The following DNAH11 variants were observed in gnomAD, a reference collection of about 807,000 sequenced individuals.
DNAH11 encodes axonemal beta dynein heavy chain 11.
DNAH11 carries 442 observed loss-of-function variants against 526.0 expected under a neutral mutation model. That is an observed-to-expected ratio of 0.84 (90% CI 0.78 to 0.91). The LOEUF is 0.91. DNAH11 is among the 40% of genes least tolerant of loss of function. The pLI is 0.00. For synonymous variants in DNAH11, 2,461 were observed against 1,935.9 expected, an observed-to-expected ratio of 1.27 and a Z score of -7.12; for missense variants, 6,989 against 5,448.7, an observed-to-expected ratio of 1.28 and a Z score of -8.90.
In DNAH11 at chr7:21,564,218, C is replaced by T. The variant is rs1455843897; in HGVS notation, c.1015C>T (p.Leu339=). 1.2e-6 allele frequency: 2 copies of T among 1,606,768 alleles called. No individual in the cohort carries two copies. The highest frequency in any genetic ancestry group is 1.7e-6 in the Non-Finnish European group (2 of 1,176,580). ...CGAAGCCCAAGATGTGGAACTTTAC[C>T]TGAGACCTCTGAGGAGACACATCCA... ...LLEAQDVELY[L]RPLRRHIQCL... Residue 339 remains leucine (L), a synonymous_variant, in exon 6 of 82, where the codon CTG becomes TTG. Coordinates refer to ENST00000409508, the MANE Select transcript of DNAH11 (RefSeq NM_001277115.2).
intron 3 of DNAH11, among the ~76,000 whole-genome samples, chr7:21,559,295 A>G (rs1783349081): frequency 6.6e-6 from 1 of 152,232 alleles, no homozygotes; most frequent in African/African-American, 2.4e-5. Flanking sequence ...ATTTCCTTTT[A>G]AAGTATGCTT....
intron 32 of DNAH11, among the ~76,000 whole-genome samples, 181 bp from the exon 33 acceptor site, chr7:21,686,918 A>T (rs953546363): frequency 1.3e-4 from 20 of 152,246 alleles, no homozygotes; most frequent in Non-Finnish European, 2.2e-4. Flanking sequence ...CTAGCCTAAA[A>T]ATAAATGTGA....
In DNAH11 at chr7:21,900,019, T is replaced by C. The variant is rs775352792; in HGVS notation, c.13202T>C (p.Leu4401Pro). ...ATGGCTCGAAAAAATGAGTGGCCCC[T>C]GGATAAAACGCGCTTGACTGCTGAT... is the stretch of plus-strand genomic sequence containing the variant. Reference protein sequence around the residue: ...QTMARKNEWPLDKTRLTADVT... With the variant: ...QTMARKNEWPPDKTRLTADVT... The change falls in exon 81 of 82, where the codon CTG becomes CCG. Residue 4401 changes from leucine to proline, a missense_variant. Leu to Pro is a moderately conservative substitution (Grantham distance 98). Transcript: ENST00000409508. 9.3e-6 allele frequency: 15 copies of C among 1,613,772 alleles called. No individual in the cohort carries two copies. Among genetic ancestry groups the C allele is most frequent in the Non-Finnish European group, 1.2e-5 (14 of 1,179,858 alleles).
Position 21,807,975 on chromosome 7 carries a change from T to TA in DNAH11, c.10259dup (p.Tyr3420Ter), listed in dbSNP as rs764414399. 10 of 1,605,516 alleles carry TA rather than the reference T, an allele frequency of 6.2e-6. No homozygotes were observed. The highest frequency in any genetic ancestry group is 8.5e-6 in the Non-Finnish European group (10 of 1,174,756). The part of the protein sequence containing the change: ...DVLLTAAFVS[Y>*]VGPFTRQYRQ... ...TCTTCTCACGGCGGCATTTGTGTCT[T>TA]ACGTCGGACCCTTCACAAGGCAGTA... Residue 3420 changes from tyrosine (Y) to a stop codon, truncating the protein, a stop_gained and frameshift_variant, in exon 63 of 82, where the codon TAC becomes TAAC. Transcript: ENST00000409508. LOFTEE classifies it high-confidence loss of function.
At position 21,801,167 on chromosome 7, in the gene DNAH11, G is replaced by A. The variant is rs751658564; in HGVS notation, c.10057G>A (p.Ala3353Thr). ...DLDRNLSRLTASFEKATAEKV... is the reference protein window; with the variant it reads ...DLDRNLSRLTTSFEKATAEKV... ...GGATCGAAATCTGAGCAGACTCACG[G>A]CTTCATTTGAAAAAGCAACAGCTGA... Residue 3353 changes from alanine (A) to threonine (T), a missense_variant, in exon 62 of 82, where the codon GCT becomes ACT. By Grantham distance (58) the Ala-to-Thr change is moderately conservative. Coordinates refer to ENST00000409508, the MANE Select transcript of DNAH11 (RefSeq NM_001277115.2). 4 of 1,611,694 alleles carry A rather than the reference G, an allele frequency of 2.5e-6. No homozygotes were observed. Among genetic ancestry groups the A allele is most frequent in the Non-Finnish European group, 1.7e-6 (2 of 1,178,838 alleles).
At position 21,883,434 on chromosome 7, in the gene DNAH11, T is replaced by C. The variant is rs142091221; in HGVS notation, c.12388-857T>C. On this transcript the variant is annotated intron_variant, in intron 75 of 81. Coordinates refer to ENST00000409508, the MANE Select transcript of DNAH11 (RefSeq NM_001277115.2). ...AATAAAACATGGTATAGTCATTAGT[T>C]ACAACCCTTAGAACAGTCATTAGGC... is the stretch of plus-strand genomic sequence containing the variant. 5.9e-3 allele frequency among the ~76,000 whole-genome samples: 905 copies of C among 152,308 alleles called. 11 individuals are homozygous for C. The highest frequency in any genetic ancestry group is 0.021 in the African/African-American group (862 of 41,574).
rs201197846 is a variant in DNAH11, at chr7:21,601,616, G to C, written c.3646G>C (p.Glu1216Gln). 1.3e-6 allele frequency: 2 copies of C among 1,570,738 alleles called. No homozygotes were observed. The highest frequency in any genetic ancestry group is 8.7e-7 in the Non-Finnish European group (1 of 1,154,292). ...KMPEQVYIQLEELPERWETTK... is the reference protein window; with the variant it reads ...KMPEQVYIQLQELPERWETTK... ...GCCTGAGCAGGTCTATATTCAGCTA[G>C]AGGTAAGTGCAGAGGTGAAATAATC... The change falls in exon 18 of 82, where the codon GAG becomes CAG. Residue 1216 changes from glutamate (E) to glutamine (Q), a missense_variant and splice_region_variant. Transcript: ENST00000409508.
At chr7:21,599,266 A>G (rs1784981459) in intron 14 of DNAH11, among the ~76,000 whole-genome samples, 2 of 152,326 alleles carry the variant, frequency 1.3e-5, no homozygotes, top group South Asian at 2.1e-4. Context: ...TGACTTTTTA[A>G]TAATAGCCTC....
chr7:21,581,529 A>G (rs1174915764), intron 8 of DNAH11, among the ~76,000 whole-genome samples: 2 of 152,240 alleles, frequency 1.3e-5, no homozygotes, highest in African/African-American at 2.4e-5. Flanking sequence ...TAATGAGGAT[A>G]GGTTCTTTTT....
chr7:21,763,106 T>C (rs571808078), intron 54 of DNAH11, among the ~76,000 whole-genome samples: 4 of 151,984 alleles, frequency 2.6e-5, no homozygotes, highest in African/African-American at 9.7e-5. Flanking sequence ...CACTTTGAGA[T>C]GCTGAGGCAG....
intron 20 of DNAH11, among the ~76,000 whole-genome samples, chr7:21,614,567 G>T (rs1342547979): frequency 6.6e-6 from 1 of 152,046 alleles, no homozygotes; most frequent in Non-Finnish European, 1.5e-5. Context: ...ATGTAGATGG[G>T]GTATATAATT....
At chr7:21,556,151 C>G (rs1038713879) in intron 2 of DNAH11, among the ~76,000 whole-genome samples, 1 of 152,152 alleles carries the variant, frequency 6.6e-6, no homozygotes, top group South Asian at 2.1e-4. Flanking sequence ...ATACCCTGGT[C>G]CCTTTCTCTG....
chr7:21,821,516 C>T (rs758190007), intron 65 of DNAH11, among the ~76,000 whole-genome samples: 1 of 152,046 alleles, frequency 6.6e-6, no homozygotes, highest in Non-Finnish European at 1.5e-5. Flanking sequence ...TACCTTATCG[C>T]TATATGAAGT....
chr7:21,901,045 G>A lies in DNAH11; in HGVS notation c.13342G>A (p.Ala4448Thr). ...CACCCAAGCAGGAACCATTGTTGAA[G>A]CCCGTCTCAAGGAGCTGGCATGCCC... ...WDTQAGTIVE[A>T]RLKELACPMP... Residue 4448 changes from alanine (A) to threonine (T), a missense_variant, in exon 82 of 82, where the codon GCC (alanine) becomes ACC (threonine). Transcript: ENST00000409508. 2 of 1,612,694 alleles carry A rather than the reference G, an allele frequency of 1.2e-6. No homozygotes were observed. The highest frequency in any genetic ancestry group is 1.7e-6 in the Non-Finnish European group (2 of 1,179,272).
In DNAH11 at chr7:21,543,113, G is replaced by C. The variant is rs1057159464; in HGVS notation, c.-133G>C. The C allele has an allele frequency of 7.7e-6, 11 of 1,422,510 alleles. No homozygotes were observed. The highest frequency in any genetic ancestry group is 1.6e-5 in the South Asian group (1 of 63,486). The allele number at this position is 1,422,510 out of a possible 1,614,324, so 88.1% of individuals were successfully genotyped here. A position where few individuals can be genotyped will look rare whatever the true frequency, so the allele number is the denominator to read the frequency against. On this transcript the variant is annotated 5_prime_UTR_variant, in exon 1 of 82. Transcript: ENST00000409508. ...GCGGCTGCTAAGTAGCAGCAGGTGG[G>C]AGACTAGGGTCTGCGCTCGCGGCGA...
chr7:21,829,448 C>A (rs551827723), intron 65 of DNAH11, among the ~76,000 whole-genome samples: 1 of 152,106 alleles, frequency 6.6e-6, no homozygotes, highest in Non-Finnish European at 1.5e-5. Context: ...GCAGGTTTTG[C>A]AAATCTTTTG....
At chr7:21,670,405 T>C (rs939013557) in intron 30 of DNAH11, among the ~76,000 whole-genome samples, 4 of 152,204 alleles carry the variant, frequency 2.6e-5, no homozygotes, top group Non-Finnish European at 5.9e-5. Flanking sequence ...CTAAATTTAC[T>C]TAGTACATTT....
Position 21,818,340 on chromosome 7 carries a change from G to A in DNAH11, c.10691+1G>A. 6.2e-7 allele frequency: 1 copy of A among 1,606,022 alleles called. No homozygotes were observed. Among genetic ancestry groups the A allele is most frequent in the Non-Finnish European group, 8.5e-7 (1 of 1,177,292 alleles). On this transcript the variant is annotated splice_donor_variant, in intron 65 of 81. Transcript: ENST00000409508. LOFTEE classifies it high-confidence loss of function. Reference sequence around the variant, plus strand: ...GCAGGAACACAATTAAAAAAGGAAAGTAAGTATTCTTGAATTTTTAACATA... The same window carrying A: ...GCAGGAACACAATTAAAAAAGGAAAATAAGTATTCTTGAATTTTTAACATA...
intron 42 of DNAH11, among the ~76,000 whole-genome samples, chr7:21,716,932 G>GATT (rs1477568181): frequency 6.6e-6 from 1 of 152,092 alleles, no homozygotes; most frequent in Non-Finnish European, 1.5e-5. Context: ...TTGCCTTAAT[G>GATT]TCTCCTGATG....
Sources: gnomAD v4.1 joint callset for allele counts (sites outside exome capture counted in the v4.1 genomes callset) on GRCh38, gnomAD v4.1.1 for gene constraint, MANE v1.5 for transcripts, NCBI Gene and HGNC (gene_info 2026-07-23, HGNC 2026-07-21) for gene names.